The following CD48 variants were observed in gnomAD, a reference collection of about 807,000 sequenced individuals.
CD48 encodes CD48 molecule.
In CD48, 20 loss-of-function variants were observed where a neutral mutation model predicts 22.0. That is an observed-to-expected ratio of 0.91 (90% CI 0.64 to 1.32). The LOEUF is 1.32. Ranked by LOEUF, CD48 falls within the 40% of genes most tolerant of loss-of-function variation. CD48 has a pLI of 0.00. For missense variants in CD48, 307 were observed against 286.5 expected (o/e 1.07, Z -0.52); for synonymous variants, 110 against 110.1 (o/e 1.00, Z 0.01).
Position 160,711,820 on chromosome 1 carries a change from A to G in CD48, c.-57T>C, listed in dbSNP as rs2101632820. Reference sequence around the variant, plus strand: ...AGACAGTTGAGAGCCTGGCTAGAAAAAGGCCGGGGCTAAAAACGGAACTTA... The same window carrying G: ...AGACAGTTGAGAGCCTGGCTAGAAAGAGGCCGGGGCTAAAAACGGAACTTA... On this transcript the variant is annotated 5_prime_UTR_variant, in exon 1 of 4. Transcript: ENST00000368046. 7.6e-7 allele frequency: 1 copy of G among 1,320,336 alleles called. No homozygotes were observed. Among genetic ancestry groups the G allele is most frequent in the East Asian group, 2.3e-5 (1 of 43,122 alleles). 81.8% of individuals were successfully genotyped at this position (1,320,336 alleles called of 1,614,324 possible).
intron 1 of CD48, among the ~76,000 whole-genome samples, chr1:160,703,856 G>C (rs1662709161): frequency 6.6e-6 from 1 of 152,172 alleles, no homozygotes; most frequent in Non-Finnish European, 1.5e-5. Context: ...AAAGGCCCTG[G>C]GGCAGGGATT....
chr1:160,701,096 A>G (rs1438390890), intron 1 of CD48, among the ~76,000 whole-genome samples: 4 of 152,026 alleles, frequency 2.6e-5, no homozygotes, highest in Non-Finnish European at 5.9e-5. Flanking sequence ...TCCATTGATA[A>G]TGAACTGCAG....
At chr1:160,693,335 G>A (rs976787029) in intron 1 of CD48, among the ~76,000 whole-genome samples, 10 of 152,266 alleles carry the variant, frequency 6.6e-5, no homozygotes, top group African/African-American at 1.9e-4. Flanking sequence ...ATACGAAAAC[G>A]CCAATCCTGA....
At chr1:160,684,438 T>C (rs1026424735) in intron 2 of CD48, 1 of 307,440 alleles carries the variant, frequency 3.3e-6, no homozygotes, top group Non-Finnish European at 6.1e-6. Context: ...ACTGGAGCTA[T>C]GAGTGGAAGT....
At chr1:160,690,057 G>T (rs1055378511) in intron 1 of CD48, among the ~76,000 whole-genome samples, 1 of 152,132 alleles carries the variant, frequency 6.6e-6, no homozygotes, top group Non-Finnish European at 1.5e-5. Context: ...AGACTGTTTG[G>T]ACAATTGGGT....
chr1:160,707,461 T>C (rs767146805), intron 1 of CD48, among the ~76,000 whole-genome samples: 1 of 152,036 alleles, frequency 6.6e-6, no homozygotes, highest in African/African-American at 2.4e-5. Flanking sequence ...GCAGAGTTAG[T>C]GGCACAGGTC....
chr1:160,703,815 G>A (rs1662707955), intron 1 of CD48, among the ~76,000 whole-genome samples: 1 of 152,138 alleles, frequency 6.6e-6, no homozygotes, highest in Admixed American at 6.5e-5. Flanking sequence ...TCTGGGGTAG[G>A]AGGGACCCAG....
intron 1 of CD48, among the ~76,000 whole-genome samples, chr1:160,710,716 A>G (rs192580463): frequency 5.9e-5 from 9 of 152,298 alleles, no homozygotes; most frequent in Non-Finnish European, 8.8e-5. Context: ...CCGTAGACTC[A>G]CACAGTCATG....
chr1:160,693,895 T>C (rs1662315908), intron 1 of CD48, among the ~76,000 whole-genome samples: 1 of 152,288 alleles, frequency 6.6e-6, no homozygotes. Flanking sequence ...CCTCAGGGAA[T>C]AAGCCAGTTA....
chr1:160,693,116 A>G (rs944211134), intron 1 of CD48, among the ~76,000 whole-genome samples: 1 of 152,294 alleles, frequency 6.6e-6, no homozygotes, highest in Non-Finnish European at 1.5e-5. Context: ...ACAAGCATTA[A>G]TGCAAAATGA....
At chr1:160,680,327 G>A (rs1216280988) in intron 3 of CD48, 1 of 152,810 alleles carries the variant, frequency 6.5e-6, no homozygotes, top group East Asian at 1.9e-4. Flanking sequence ...AAAACTCTAA[G>A]AGACTGCGTC....
intron 1 of CD48, among the ~76,000 whole-genome samples, chr1:160,701,335 A>C (rs971168904): frequency 2.2e-4 from 33 of 151,854 alleles, no homozygotes; most frequent in African/African-American, 7.0e-4. Context: ...ACACAGGAGA[A>C]TTCTAAGGGG....
chr1:160,699,143 C>A (rs149398306), intron 1 of CD48: 4,415 of 152,766 alleles, frequency 0.029, 91 homozygotes, highest in Middle Eastern at 0.036. Context: ...AAGAAAAATT[C>A]TTCTGCCTTG....
chr1:160,710,243 G>C (rs1167748330), intron 1 of CD48, among the ~76,000 whole-genome samples: 1 of 152,168 alleles, frequency 6.6e-6, no homozygotes, highest in Non-Finnish European at 1.5e-5. Context: ...TAATCTCTCT[G>C]CAAGACAGTA....
At position 160,697,704 on chromosome 1, in the gene CD48, A is replaced by G. The variant is rs536074209; in HGVS notation, c.83-12515T>C. On this transcript the variant is annotated intron_variant, in intron 1 of 3. Coordinates refer to ENST00000368046, the MANE Select transcript of CD48 (RefSeq NM_001778.4). ...AAGGAAATTCCTAAAGGATCAAAGA[A>G]TACAGAAGTTTTAGTTTGGGAAGAA... Among the ~76,000 whole-genome samples the G allele has an allele frequency of 2.6e-3, 392 of 152,304 alleles. 4 individuals are homozygous for G. Among genetic ancestry groups the G allele is most frequent in the Middle Eastern group, 3.4e-3 (1 of 294 alleles).
chr1:160,703,901 C>T (rs913449625), intron 1 of CD48, among the ~76,000 whole-genome samples: 2 of 151,948 alleles, frequency 1.3e-5, no homozygotes, highest in Non-Finnish European at 1.5e-5. Context: ...AAGGAGGTGG[C>T]GAGTGGGTAG....
chr1:160,701,242 G>A (rs1195703135), intron 1 of CD48, among the ~76,000 whole-genome samples: 4 of 6,290 alleles, frequency 6.4e-4, no homozygotes, highest in African/African-American at 1.4e-3. Flanking sequence ...CAGGTTGGAC[G>A]GCCCCCATAG....
rs990758883 is a variant in CD48, at chr1:160,680,971, C to T, written c.652+231G>A. The T allele has an allele frequency of 3.5e-6, 5 of 1,434,590 alleles. No homozygotes were observed. In the African/African-American group the frequency reaches 7.5e-5, roughly 21 times the overall value. The allele number at this position is 1,434,590 out of a possible 1,614,324, so 88.9% of individuals were successfully genotyped here. A position where few individuals can be genotyped will look rare whatever the true frequency, so the allele number is the denominator to read the frequency against. On this transcript the variant is annotated intron_variant, in intron 3 of 3. Transcript: ENST00000368046. The stretch of plus-strand genomic sequence containing the variant: ...GGGAAGAGGAGTATCAGAGATCTCT[C>T]CCAAACGTCCTTTGCAGGTGAGAAC...
At chr1:160,706,743 C>A (rs183578509) in intron 1 of CD48, among the ~76,000 whole-genome samples, 1 of 152,152 alleles carries the variant, frequency 6.6e-6, no homozygotes, top group African/African-American at 2.4e-5. Context: ...GAAATAGAAC[C>A]AGATCCTGTC....
Sources: gnomAD v4.1 joint callset for allele counts (sites outside exome capture counted in the v4.1 genomes callset) on GRCh38, gnomAD v4.1.1 for gene constraint, MANE v1.5 for transcripts, NCBI Gene and HGNC (gene_info 2026-07-23, HGNC 2026-07-21) for gene names.